Variants in RTF1 observed in about 807,000 individuals in gnomAD.
The protein encoded by RTF1 is RNA polymerase-associated protein RTF1 homolog.
RTF1 carries 10 observed loss-of-function variants against 95.7 expected under a neutral mutation model. The ratio of observed to expected loss-of-function variants is 0.10; its 90% confidence interval spans 0.06 to 0.18. The LOEUF (loss-of-function observed/expected upper bound fraction) is 0.18. RTF1 is among the 10% of genes least tolerant of loss of function. The probability of loss-of-function intolerance (pLI) is 1.00; values close to 1 mark genes in which losing one functional copy is unlikely to be tolerated. For missense variants in RTF1, 458 were observed against 875.6 expected (o/e 0.52, Z 6.02); for synonymous variants, 305 against 311.8 (o/e 0.98, Z 0.23).
At chr15:41,436,064 T>TGG (rs1370492518) in intron 1 of RTF1, among the ~76,000 whole-genome samples, 1 of 151,988 alleles carries the variant, frequency 6.6e-6, no homozygotes, top group Non-Finnish European at 1.5e-5. Context: ...CCCAGCACTT[T>TGG]GGGAGGCCAA....
intron 2 of RTF1, among the ~76,000 whole-genome samples, chr15:41,440,688 A>G (rs2050729218): frequency 6.8e-6 from 1 of 146,808 alleles, no homozygotes; most frequent in Admixed American, 6.8e-5. Context: ...TCGGGGTTTC[A>G]CCACGTTAGC....
At chr15:41,426,605 A>C (rs544805474) in intron 1 of RTF1, among the ~76,000 whole-genome samples, 2 of 126,936 alleles carry the variant, frequency 1.6e-5, no homozygotes, top group Admixed American at 1.7e-4. Flanking sequence ...GTGCCTGGCC[A>C]TTTTTTTGTA....
intron 1 of RTF1, among the ~76,000 whole-genome samples, chr15:41,418,624 A>T (rs960752795): frequency 6.6e-6 from 1 of 152,090 alleles, no homozygotes; most frequent in East Asian, 1.9e-4. Context: ...CAGCCTGACC[A>T]ACATGGAGAA....
intron 12 of RTF1, 128 bp downstream of exon 12, chr15:41,476,651 CAGTGTGTTCTTGG>C (rs1211396789): frequency 7.3e-6 from 6 of 817,826 alleles, no homozygotes; most frequent in Non-Finnish European, 1.0e-5. Flanking sequence ...ATAAGCAACA[CAGTGTGTTCTTGG>C]CACCTGGGCA....
intron 6 of RTF1, among the ~76,000 whole-genome samples, chr15:41,468,381 G>A (rs903475720): frequency 1.6e-4 from 24 of 151,734 alleles, no homozygotes; most frequent in Non-Finnish European, 3.4e-4. Flanking sequence ...GCAGTGGCGC[G>A]ATCTCGGCTC....
chr15:41,467,265 T>C (rs752413132), intron 6 of RTF1, among the ~76,000 whole-genome samples: 1 of 152,098 alleles, frequency 6.6e-6, no homozygotes, highest in Non-Finnish European at 1.5e-5. Context: ...AGCACTTTTA[T>C]ATGGTGATGA....
chr15:41,433,479 C>A lies in RTF1; in HGVS notation c.199-4842C>A, dbSNP rs74575371. Reference sequence around the variant, plus strand: ...CCTCCTGAGCAGCTAGGACTACAGGCGTGCGCCACCATGCCCAGCTGATTT... The same window carrying A: ...CCTCCTGAGCAGCTAGGACTACAGGAGTGCGCCACCATGCCCAGCTGATTT... On this transcript the variant is annotated intron_variant, in intron 1 of 17. Transcript: ENST00000389629. Among the ~76,000 whole-genome samples the A allele has an allele frequency of 5.3e-5, 8 of 151,986 alleles. No individual in the cohort carries two copies. The East Asian group carries it at 1.6e-3, about 30-fold the overall frequency.
chr15:41,451,510 C>T (rs1251314800), intron 2 of RTF1, among the ~76,000 whole-genome samples: 3 of 152,152 alleles, frequency 2.0e-5, no homozygotes, highest in South Asian at 4.1e-4. Flanking sequence ...GTGCAAATTA[C>T]AGGTTCCTTA....
At chr15:41,455,880 G>T in intron 3 of RTF1, among the ~76,000 whole-genome samples, 1 of 151,576 alleles carries the variant, frequency 6.6e-6, no homozygotes, top group East Asian at 2.0e-4. Context: ...TTGGGTGATA[G>T]ATACACCAAA....
At chr15:41,431,070 A>AT (rs1234440077) in intron 1 of RTF1, among the ~76,000 whole-genome samples, 1 of 132,086 alleles carries the variant, frequency 7.6e-6, no homozygotes, top group Non-Finnish European at 1.6e-5. Flanking sequence ...TGCCCAGCTA[A>AT]TTTTTTTGTA....
At chr15:41,443,023 T>C (rs547491874) in intron 2 of RTF1, among the ~76,000 whole-genome samples, 3 of 152,182 alleles carry the variant, frequency 2.0e-5, no homozygotes, top group African/African-American at 7.2e-5. Context: ...GCCATTAATA[T>C]AGGTAGAAAG....
chr15:41,426,410 AT>A (rs769483661), intron 1 of RTF1, among the ~76,000 whole-genome samples: 18 of 151,586 alleles, frequency 1.2e-4, no homozygotes, highest in Non-Finnish European at 1.6e-4. Flanking sequence ...GATTCAAGCG[AT>A]TCTTCTGCCT....
At chr15:41,468,573 T>G (rs943012974) in intron 6 of RTF1, among the ~76,000 whole-genome samples, 2 of 152,220 alleles carry the variant, frequency 1.3e-5, no homozygotes, top group South Asian at 4.1e-4. Context: ...CGCCTCGGCC[T>G]CCCAAAGTGC....
intron 2 of RTF1, among the ~76,000 whole-genome samples, chr15:41,439,840 C>A (rs1452734603): frequency 6.6e-6 from 1 of 152,030 alleles, no homozygotes; most frequent in Non-Finnish European, 1.5e-5. Context: ...TTAGTGGAGA[C>A]AGGGTTTTGC....
At chr15:41,424,420 G>A (rs1004888337) in intron 1 of RTF1, among the ~76,000 whole-genome samples, 1 of 152,114 alleles carries the variant, frequency 6.6e-6, no homozygotes, top group Admixed American at 6.6e-5. Context: ...GAAGGACCTC[G>A]AACCCTTATG....
At chr15:41,442,321 C>T (rs1484604174) in intron 2 of RTF1, among the ~76,000 whole-genome samples, 3 of 151,818 alleles carry the variant, frequency 2.0e-5, no homozygotes, top group Admixed American at 6.6e-5. Flanking sequence ...GCGCTCACCA[C>T]CACGCCTGGC....
chr15:41,444,303 T>G (rs2050749843), intron 2 of RTF1, among the ~76,000 whole-genome samples: 1 of 151,358 alleles, frequency 6.6e-6, no homozygotes, highest in Admixed American at 6.6e-5. Context: ...GCTAGATTTT[T>G]TTTTTTTTGA....
At chr15:41,459,286 G>A (rs892466930) in intron 4 of RTF1, among the ~76,000 whole-genome samples, 1 of 151,934 alleles carries the variant, frequency 6.6e-6, no homozygotes, top group Non-Finnish European at 1.5e-5. Context: ...GTCAGCAGGA[G>A]TATCATTTGA....
intron 2 of RTF1, among the ~76,000 whole-genome samples, chr15:41,450,786 C>T (rs1376681152): frequency 6.6e-6 from 1 of 151,488 alleles, no homozygotes; most frequent in Non-Finnish European, 1.5e-5. Flanking sequence ...CCTGTCTCTA[C>T]AAAAAAATTT....
Sources: allele counts gnomAD v4.1 joint callset (sites outside exome capture counted in the v4.1 genomes callset), GRCh38; gene constraint gnomAD v4.1.1; transcripts MANE v1.5; gene names NCBI Gene and HGNC (gene_info 2026-07-23, HGNC 2026-07-21).